Variants in JMJD1C observed in about 807,000 individuals in gnomAD.
JMJD1C encodes jumonji domain-containing protein 1C.
JMJD1C carries 31 observed loss-of-function variants against 245.3 expected under a neutral mutation model. That is an observed-to-expected ratio of 0.13 (90% CI 0.09 to 0.17). The LOEUF is 0.17. JMJD1C is among the 10% of genes least tolerant of loss of function. JMJD1C has a pLI of 1.00. For missense variants in JMJD1C, 2,691 were observed against 3,000.2 expected (o/e 0.90, Z 2.41); for synonymous variants, 1,057 against 1,017.4 (o/e 1.04, Z -0.74).
In JMJD1C at chr10:63,428,489, T is replaced by G. The variant is rs865818052; in HGVS notation, c.168+37006A>C. On this transcript the variant is annotated intron_variant, in intron 1 of 25. Coordinates refer to ENST00000399262, the MANE Select transcript of JMJD1C (RefSeq NM_032776.3). ...AATCAACTGAATGTTTCTGTAGTTC[T>G]GATCCTTAAAATTCCTTTCTTGATG... Among the ~76,000 whole-genome samples the G allele has an allele frequency of 4.6e-5, 7 of 152,248 alleles. 1 individual carries two copies. In the South Asian group the frequency reaches 1.4e-3, roughly 31 times the overall value.
At chr10:63,450,477 T>A (rs1053914822) in intron 1 of JMJD1C, among the ~76,000 whole-genome samples, 1 of 151,918 alleles carries the variant, frequency 6.6e-6, no homozygotes, top group Admixed American at 6.6e-5. Context: ...TAAAAAAAAA[T>A]TATATACCAT....
At chr10:63,323,940 G>T (rs1384993507) in intron 2 of JMJD1C, among the ~76,000 whole-genome samples, 1 of 151,966 alleles carries the variant, frequency 6.6e-6, no homozygotes, top group Non-Finnish European at 1.5e-5. Flanking sequence ...GGTGTGTCTT[G>T]GTTCAAGTCT....
At chr10:63,345,419 G>T (rs1021224710) in intron 2 of JMJD1C, among the ~76,000 whole-genome samples, 2 of 151,144 alleles carry the variant, frequency 1.3e-5, no homozygotes, top group Admixed American at 1.3e-4. Context: ...CCCAGGAGGC[G>T]GGAGGTTGCA....
intron 1 of JMJD1C, among the ~76,000 whole-genome samples, chr10:63,383,677 G>A (rs1189892158): frequency 6.6e-6 from 1 of 152,150 alleles, no homozygotes; most frequent in South Asian, 2.1e-4. Flanking sequence ...TGCAGCCTAC[G>A]TGACAGAGCA....
rs138733166 is a variant in JMJD1C at position 63,508,363 on chromosome 10, T to C, written n.113+13375A>G. ...TTGGTCTATTCTTTCACTAGTGCCA[T>C]ACTGTCTTGATAACTGCAGTCTTAC... On this transcript the variant is annotated intron_variant and non_coding_transcript_variant, in intron 1 of 3. Transcript: ENST00000633035. Among the ~76,000 whole-genome samples, 493 of 152,358 alleles carry C rather than the reference T, an allele frequency of 3.2e-3. 2 individuals carry two copies. Among genetic ancestry groups the C allele is most frequent in the African/African-American group, 0.011 (476 of 41,592 alleles).
chr10:63,222,736 A>T (rs1409732825), intron 3 of JMJD1C: 1 of 1,532,566 alleles, frequency 6.5e-7, no homozygotes, highest in African/African-American at 1.4e-5. Context: ...TTTATATAGG[A>T]TTTAATGGTT....
chr10:63,368,929 T>C (rs1408193422), intron 2 of JMJD1C, among the ~76,000 whole-genome samples: 1 of 151,952 alleles, frequency 6.6e-6, no homozygotes, highest in African/African-American at 2.4e-5. Context: ...ATTATAGGCA[T>C]GAATCATCAC....
At position 63,208,738 on chromosome 10, in the gene JMJD1C, A is replaced by C; in HGVS notation, c.2931T>G (p.Asn977Lys). 1 of 1,613,710 alleles carries C rather than the reference A, an allele frequency of 6.2e-7. No individual in the cohort carries two copies. The highest frequency in any genetic ancestry group is 8.5e-7 in the Non-Finnish European group (1 of 1,179,834). The change falls in exon 10 of 26, where the codon AAT becomes AAG. Residue 977 changes from asparagine to lysine, a missense_variant. Physicochemically the swap from Asn to Lys is moderately conservative, Grantham distance 94. Transcript: ENST00000399262. ...TCTGTGACCTATTTAGATCCAGGTC[A>C]TTTTTGGCTGATGTGGATGCAACAG... ...LRSVASTSAK[N>K]DLDLNRSQTG...
At chr10:63,415,847 C>T (rs1049211007) in intron 1 of JMJD1C, among the ~76,000 whole-genome samples, 3 of 152,184 alleles carry the variant, frequency 2.0e-5, no homozygotes, top group Admixed American at 1.3e-4. Context: ...CAATTCATCA[C>T]TTCATTCTTA....
intron 1 of JMJD1C, among the ~76,000 whole-genome samples, chr10:63,495,155 CA>C (rs1954315387): frequency 1.3e-5 from 2 of 151,532 alleles, no homozygotes; most frequent in South Asian, 4.2e-4. Flanking sequence ...ATGCCTCGGG[CA>C]CAAAGAATGT....
intron 2 of JMJD1C, among the ~76,000 whole-genome samples, chr10:63,298,522 T>C (rs554312925): frequency 1.3e-5 from 2 of 152,298 alleles, no homozygotes; most frequent in East Asian, 3.9e-4. Flanking sequence ...TATTCTCTCT[T>C]ATAAGAACCC....
At chr10:63,243,797 G>A (rs1007721149) in intron 3 of JMJD1C, among the ~76,000 whole-genome samples, 2 of 152,186 alleles carry the variant, frequency 1.3e-5, no homozygotes, top group Admixed American at 6.5e-5. Flanking sequence ...GAGGGAGACA[G>A]TCCTGGGGCC....
chr10:63,502,495 G>A (rs553587803), intron 1 of JMJD1C, among the ~76,000 whole-genome samples: 23 of 152,024 alleles, frequency 1.5e-4, no homozygotes, highest in Admixed American at 1.0e-3. Context: ...AAAATTAGCC[G>A]GGCATGGTGG....
chr10:63,302,981 T>C (rs1006597841), intron 2 of JMJD1C, among the ~76,000 whole-genome samples: 16 of 152,188 alleles, frequency 1.1e-4, no homozygotes, highest in Non-Finnish European at 1.5e-5. Context: ...ACTCTTGGGC[T>C]CAAGGGATCC....
intron 2 of JMJD1C, among the ~76,000 whole-genome samples, chr10:63,309,775 G>A (rs1392132249): frequency 6.6e-6 from 1 of 152,034 alleles, no homozygotes; most frequent in African/African-American, 2.4e-5. Flanking sequence ...AAATTAGCTG[G>A]GTGTGGTGGC....
intron 10 of JMJD1C, among the ~76,000 whole-genome samples, chr10:63,202,017 G>A (rs965194544): frequency 6.6e-6 from 1 of 152,058 alleles, no homozygotes; most frequent in Admixed American, 6.5e-5. Flanking sequence ...AACTTTAGGA[G>A]GCTGAGGTGG....
intron 2 of JMJD1C, among the ~76,000 whole-genome samples, chr10:63,347,731 G>A (rs1031441194): frequency 6.6e-6 from 1 of 152,012 alleles, no homozygotes; most frequent in Non-Finnish European, 1.5e-5. Flanking sequence ...TGGCCAACGT[G>A]GTGAAACGCC....
chr10:63,453,041 G>A (rs2133034192), intron 1 of JMJD1C, among the ~76,000 whole-genome samples: 1 of 152,314 alleles, frequency 6.6e-6, no homozygotes, highest in Non-Finnish European at 1.5e-5. Flanking sequence ...TTGGGAGGCT[G>A]AGGCAGGCGG....
At chr10:63,521,344 GGGGCGGGCGGGGAC>G (rs2061075997) in intron 1 of JMJD1C, 1 of 147,462 alleles carries the variant, frequency 6.8e-6, no homozygotes, top group Admixed American at 6.7e-5. Flanking sequence ...CCGGCGGGCG[GGGGCGGGCGGGGAC>G]GGGCGGGGGA....
Sources: allele counts gnomAD v4.1 joint callset (sites outside exome capture counted in the v4.1 genomes callset), GRCh38; gene constraint gnomAD v4.1.1; transcripts MANE v1.5; gene names NCBI Gene and HGNC (gene_info 2026-07-23, HGNC 2026-07-21).